CELF2: variants seen among roughly 807,000 people sequenced by gnomAD.
CELF2 encodes CUGBP Elav-like family member 2, also known as CUG triplet repeat RNA-binding protein 2.
In CELF2, 8 loss-of-function variants were observed where a neutral mutation model predicts 62.6. That is an observed-to-expected ratio of 0.13 (90% CI 0.07 to 0.23). The LOEUF (loss-of-function observed/expected upper bound fraction) is 0.23. Ranked by LOEUF, CELF2 falls within the 10% of genes least tolerant of loss-of-function variation. The pLI is 1.00. For missense variants in CELF2, 333 were observed against 671.0 expected (o/e 0.50, Z 5.56); for synonymous variants, 258 against 250.0 (o/e 1.03, Z -0.30).
chr10:11,051,681 A>G (rs1394382357), intron 1 of CELF2, among the ~76,000 whole-genome samples: 1 of 152,234 alleles, frequency 6.6e-6, no homozygotes, highest in Non-Finnish European at 1.5e-5. Context: ...ACACAAAGAT[A>G]CAATTACAAG....
intron 1 of CELF2, among the ~76,000 whole-genome samples, 195 bp downstream of exon 1, chr10:11,018,358 G>T (rs1238749422): frequency 2.0e-5 from 3 of 151,694 alleles, no homozygotes; most frequent in African/African-American, 7.2e-5. Context: ...CGCCGGCGGT[G>T]CAGGGCGCGG....
At chr10:10,767,856 C>T in the CELF2 span, among the ~76,000 whole-genome samples, 187 of 140,078 alleles carry the variant, frequency 1.3e-3, 1 homozygote, top group Admixed American at 1.8e-3. Context: ...ATTAGCCGGG[C>T]GTGGTGGCGG....
At chr10:11,320,913 C>G (rs1474686222) in intron 10 of CELF2, 2 of 1,548,112 alleles carry the variant, frequency 1.3e-6, no homozygotes, top group Non-Finnish European at 1.7e-6. Context: ...TTGCCAGTAG[C>G]ACGCTGCATG....
intron 2 of CELF2, among the ~76,000 whole-genome samples, chr10:10,979,095 T>A (rs563602391): frequency 3.9e-5 from 6 of 152,252 alleles, no homozygotes; most frequent in Admixed American, 2.6e-4. Flanking sequence ...TGCCCCCAGG[T>A]TTGGCCACCA....
upstream of CELF2, among the ~76,000 whole-genome samples, chr10:10,797,658 G>A (rs1220531520): frequency 6.6e-6 from 1 of 152,268 alleles, no homozygotes; most frequent in Middle Eastern, 3.4e-3. Context: ...GCCAGCCATG[G>A]TCCGGAAGCC....
chr10:10,696,728 G>A, the CELF2 span, among the ~76,000 whole-genome samples: 23 of 152,272 alleles, frequency 1.5e-4, 1 homozygote, highest in African/African-American at 5.3e-4. Flanking sequence ...TAAGCCCATC[G>A]GAAAAGCGCA....
chr10:11,179,555 T>C (rs749442332), intron 2 of CELF2, among the ~76,000 whole-genome samples: 1 of 152,234 alleles, frequency 6.6e-6, no homozygotes, highest in Non-Finnish European at 1.5e-5. Context: ...TTACAGTTAC[T>C]ATTCTGTGGA....
intron 1 of CELF2, among the ~76,000 whole-genome samples, chr10:11,135,383 A>G (rs1331881365): frequency 6.6e-6 from 1 of 152,252 alleles, no homozygotes; most frequent in Non-Finnish European, 1.5e-5. Context: ...GCAGAGGCCC[A>G]GGCCAAGTGC....
chr10:10,792,873 G>C, the CELF2 span, among the ~76,000 whole-genome samples: 2 of 152,158 alleles, frequency 1.3e-5, no homozygotes, highest in African/African-American at 4.8e-5. Flanking sequence ...GGCTGGGTGT[G>C]AGTCTCCTTC....
the CELF2 span, among the ~76,000 whole-genome samples, chr10:10,748,705 G>A: frequency 8.3e-5 from 11 of 133,320 alleles, no homozygotes; most frequent in Non-Finnish European, 1.5e-4. Context: ...CCGAGGTTGT[G>A]CCACTACACT....
intron 1 of CELF2, among the ~76,000 whole-genome samples, chr10:10,829,693 AT>A: frequency 6.6e-6 from 1 of 152,254 alleles, no homozygotes; most frequent in Admixed American, 6.5e-5. Context: ...AAGCTTTAGC[AT>A]GTTCTTCTGC....
the CELF2 span, among the ~76,000 whole-genome samples, chr10:10,515,381 T>C: frequency 6.6e-6 from 1 of 152,374 alleles, no homozygotes; most frequent in Non-Finnish European, 1.5e-5. Flanking sequence ...CTTAATCATG[T>C]TGACTAAAGC....
At chr10:11,282,039 T>C (rs764990839) in intron 8 of CELF2, among the ~76,000 whole-genome samples, 1 of 152,108 alleles carries the variant, frequency 6.6e-6, no homozygotes, top group African/African-American at 2.4e-5. Context: ...GCAAGGCCAC[T>C]CCCAGTGGAT....
At chr10:10,573,841 T>C in the CELF2 span, among the ~76,000 whole-genome samples, 47 of 149,168 alleles carry the variant, frequency 3.2e-4, no homozygotes, top group Non-Finnish European at 5.4e-4. Context: ...GATTTCAGTG[T>C]CACAGGGATG....
At position 11,033,844 on chromosome 10, in the gene CELF2, G is replaced by A. The variant is rs187994890; in HGVS notation, c.74+15681G>A. 1.3e-3 allele frequency among the ~76,000 whole-genome samples: 191 copies of A among 152,332 alleles called. 1 individual carries two copies. Among genetic ancestry groups the A allele is most frequent in the African/African-American group, 4.3e-3 (179 of 41,570 alleles). ...TCGAATAGTTAAGTTGGACAACTGA[G>A]GAGTTTAGGACTTACGAGTTACAAG... On this transcript the variant is annotated intron_variant, in intron 1 of 12. Transcript: ENST00000633077.
At chr10:10,739,073 T>C in the CELF2 span, among the ~76,000 whole-genome samples, 91 of 152,246 alleles carry the variant, frequency 6.0e-4, no homozygotes, top group African/African-American at 2.1e-3. Flanking sequence ...TACAGGTGTA[T>C]ATGTATTTAT....
chr10:10,827,326 C>T (rs1268344126), intron 1 of CELF2, among the ~76,000 whole-genome samples: 1 of 152,150 alleles, frequency 6.6e-6, no homozygotes, highest in Non-Finnish European at 1.5e-5. Context: ...TTTATTAACT[C>T]TGTTAAGAAT....
At position 11,311,112 on chromosome 10, in the gene CELF2, C is replaced by G. The variant is rs917428168; in HGVS notation, c.977-3027C>G. Reference sequence around the variant, plus strand: ...GAGCCTGAAACCTCAAAAGGCTAAACTCTCAGTGTAAAGATGAACAAAAAA... The same window carrying G: ...GAGCCTGAAACCTCAAAAGGCTAAAGTCTCAGTGTAAAGATGAACAAAAAA... On this transcript the variant is annotated intron_variant, in intron 9 of 12. Transcript: ENST00000633077. The surrounding 1 kb of genome is among the most constrained non-coding windows in gnomAD (Gnocchi z 4.7). Among the ~76,000 whole-genome samples, 3 of 152,124 alleles carry G rather than the reference C, an allele frequency of 2.0e-5. No individual in the cohort carries two copies. Among genetic ancestry groups the G allele is most frequent in the African/African-American group, 7.2e-5 (3 of 41,432 alleles).
At chr10:11,029,884 G>A (rs1458009703) in intron 1 of CELF2, among the ~76,000 whole-genome samples, 1 of 152,222 alleles carries the variant, frequency 6.6e-6, no homozygotes, top group Non-Finnish European at 1.5e-5. Flanking sequence ...TCTGCCTGTT[G>A]TAAAAAGTGA....
Sources: allele counts gnomAD v4.1 joint callset (sites outside exome capture counted in the v4.1 genomes callset), GRCh38; gene constraint gnomAD v4.1.1; non-coding constraint Gnocchi (gnomAD v3.1); transcripts MANE v1.5; gene names NCBI Gene and HGNC (gene_info 2026-07-23, HGNC 2026-07-21).